NRG1: variants seen among roughly 807,000 people sequenced by gnomAD.
NRG1 encodes the protein pro-neuregulin-1, membrane-bound isoform.
A neutral mutation model predicts 63.8 loss-of-function variants in NRG1; 18 were observed. The ratio of observed to expected loss-of-function variants is 0.28; its 90% confidence interval spans 0.19 to 0.42. The LOEUF (loss-of-function observed/expected upper bound fraction) is 0.42, where lower values mean the gene tolerates loss of function less well. Ranked by LOEUF, NRG1 falls within the 10% of genes least tolerant of loss-of-function variation. NRG1 has a pLI of 1.00. For missense variants in NRG1, 762 were observed against 814.7 expected, an observed-to-expected ratio of 0.94 and a Z score of 0.79; for synonymous variants, 302 against 301.3, an observed-to-expected ratio of 1.00 and a Z score of -0.02.
intron 1 of NRG1, among the ~76,000 whole-genome samples, chr8:31,862,239 G>A (rs1003795979): frequency 1.3e-5 from 2 of 152,106 alleles, no homozygotes; most frequent in African/African-American, 2.4e-5. Flanking sequence ...TATCACTTGT[G>A]TGTATCAGGA....
intron 1 of NRG1, among the ~76,000 whole-genome samples, chr8:32,361,276 G>A (rs1198053459): frequency 6.6e-6 from 1 of 152,122 alleles, no homozygotes; most frequent in Non-Finnish European, 1.5e-5. Flanking sequence ...ATTAGAATGT[G>A]TGTTTGGCAT....
intron 1 of NRG1, among the ~76,000 whole-genome samples, chr8:32,186,322 G>A (rs773533529): frequency 1.4e-4 from 22 of 151,948 alleles, no homozygotes; most frequent in Non-Finnish European, 2.4e-4. Context: ...TTAGCCAGGC[G>A]TGATGGTGGG....
intron 1 of NRG1, among the ~76,000 whole-genome samples, chr8:32,416,645 T>C (rs1217848039): frequency 6.6e-6 from 1 of 151,964 alleles, no homozygotes; most frequent in Non-Finnish European, 1.5e-5. Flanking sequence ...TTCCTTGTTT[T>C]TGTTTGTTTG....
rs553734044 is a variant in NRG1, at chr8:32,773,225, C to T, written c.942+12819C>T. Among the ~76,000 whole-genome samples the T allele has an allele frequency of 7.0e-4, 107 of 152,252 alleles. 1 individual carries two copies. Among genetic ancestry groups the T allele is most frequent in the East Asian group, 2.1e-3 (11 of 5,174 alleles). On this transcript the variant is annotated intron_variant, in intron 7 of 7. Coordinates refer to the NRG1 transcript ENST00000651335. ...AGGGCAGAGTCCCATGGTGTTTCAT[C>T]TTTTCCATGATTTGCTTGACCAAAA...
At chr8:32,266,362 C>T (rs1850933692) in intron 1 of NRG1, among the ~76,000 whole-genome samples, 1 of 152,122 alleles carries the variant, frequency 6.6e-6, no homozygotes, top group African/African-American at 2.4e-5. Flanking sequence ...TTCAATAATC[C>T]TTTATTTAAC....
intron 1 of NRG1, among the ~76,000 whole-genome samples, chr8:31,654,874 G>C (rs773189566): frequency 6.6e-6 from 1 of 152,184 alleles, no homozygotes; most frequent in Non-Finnish European, 1.5e-5. Context: ...CCAGGAATTT[G>C]AGGTTACAGA....
intron 1 of NRG1, among the ~76,000 whole-genome samples, chr8:31,861,835 AATCAT>A (rs1828503560): frequency 6.6e-6 from 1 of 152,198 alleles, no homozygotes; most frequent in Non-Finnish European, 1.5e-5. Context: ...TTAATATGGT[AATCAT>A]TTTAGGTGAT....
chr8:31,815,285 T>C (rs1042952411), intron 1 of NRG1, among the ~76,000 whole-genome samples: 1 of 152,080 alleles, frequency 6.6e-6, no homozygotes, highest in Non-Finnish European at 1.5e-5. Context: ...ACTATTCTAC[T>C]GTCTGTTTTT....
At chr8:32,618,068 G>A (rs1309663248) in intron 5 of NRG1, among the ~76,000 whole-genome samples, 2 of 152,056 alleles carry the variant, frequency 1.3e-5, no homozygotes, top group Non-Finnish European at 2.9e-5. Context: ...GTGTTCCAAG[G>A]GCTCTCATCA....
chr8:32,484,037 A>G (rs1462119670), intron 1 of NRG1, among the ~76,000 whole-genome samples: 1 of 151,640 alleles, frequency 6.6e-6, no homozygotes, highest in Non-Finnish European at 1.5e-5. Flanking sequence ...CAGGAGGCGG[A>G]GCTTGCAGTG....
chr8:32,629,720 A>C (rs770491120), intron 5 of NRG1, among the ~76,000 whole-genome samples: 2 of 152,044 alleles, frequency 1.3e-5, no homozygotes, highest in Non-Finnish European at 2.9e-5. Flanking sequence ...TCATTTTATC[A>C]TAAATACTTG....
At chr8:32,715,641 CTTTT>C (rs34392932) in intron 5 of NRG1, among the ~76,000 whole-genome samples, 5 of 126,654 alleles carry the variant, frequency 3.9e-5, no homozygotes, top group Non-Finnish European at 8.6e-5. Flanking sequence ...AAATCAGGCC[CTTTT>C]TTTTTTTTTT....
chr8:31,989,973 G>T (rs979975901), intron 1 of NRG1, among the ~76,000 whole-genome samples: 5 of 152,078 alleles, frequency 3.3e-5, no homozygotes, highest in African/African-American at 1.2e-4. Flanking sequence ...TATTCTATGA[G>T]AGCATTGCAA....
At chr8:32,619,464 A>T (rs1229860470) in intron 5 of NRG1, among the ~76,000 whole-genome samples, 1 of 152,094 alleles carries the variant, frequency 6.6e-6, no homozygotes, top group East Asian at 1.9e-4. Context: ...TAATGGAATC[A>T]CTCTGGCTCC....
chr8:32,737,763 G>A (rs1034939486), intron 6 of NRG1, among the ~76,000 whole-genome samples: 4 of 141,588 alleles, frequency 2.8e-5, no homozygotes, highest in African/African-American at 8.0e-5. Flanking sequence ...TACAACCTCC[G>A]CCTTCTGGGT....
intron 1 of NRG1, among the ~76,000 whole-genome samples, chr8:31,645,498 T>C (rs1804202887): frequency 6.6e-6 from 1 of 152,176 alleles, no homozygotes; most frequent in Non-Finnish European, 1.5e-5. Context: ...AAATTATCCA[T>C]ACAGGTTGAA....
chr8:32,007,298 A>G (rs1813935021), intron 1 of NRG1, among the ~76,000 whole-genome samples: 1 of 152,164 alleles, frequency 6.6e-6, no homozygotes, highest in Non-Finnish European at 1.5e-5. Flanking sequence ...CAAAAGCCAT[A>G]CTGGCTCTGA....
intron 1 of NRG1, among the ~76,000 whole-genome samples, chr8:32,163,975 C>T (rs1446691510): frequency 1.3e-5 from 2 of 152,150 alleles, no homozygotes; most frequent in African/African-American, 2.4e-5. Flanking sequence ...GCTTCAAATC[C>T]TGATGATGTC....
chr8:32,215,082 A>G (rs1349455266), intron 1 of NRG1, among the ~76,000 whole-genome samples: 2 of 152,260 alleles, frequency 1.3e-5, no homozygotes, highest in African/African-American at 4.8e-5. Flanking sequence ...AATTTTTAGC[A>G]GAATTGTGTC....
Sources: gnomAD v4.1 joint callset for allele counts (sites outside exome capture counted in the v4.1 genomes callset) on GRCh38, gnomAD v4.1.1 for gene constraint, MANE v1.5 for transcripts, NCBI Gene and HGNC (gene_info 2026-07-23, HGNC 2026-07-21) for gene names.